The following TFG variants were observed in gnomAD, a reference collection of about 807,000 sequenced individuals.
TFG encodes trafficking from ER to golgi regulator, also known as protein TFG.
TFG carries 22 observed loss-of-function variants against 51.4 expected under a neutral mutation model. The observed-to-expected ratio is 0.43, with a 90% CI of 0.31 to 0.61. TFG has a LOEUF of 0.61. Among genes scored for constraint, TFG ranks in the 20% least tolerant of loss-of-function variants. The probability of loss-of-function intolerance (pLI) is 0.12; values close to 1 mark genes in which losing one functional copy is unlikely to be tolerated. For missense variants in TFG, 419 were observed against 487.7 expected (o/e 0.86, Z 1.33); for synonymous variants, 187 against 165.6 (o/e 1.13, Z -0.99).
At chr3:100,738,085 C>A (rs1249670811) in intron 6 of TFG, among the ~76,000 whole-genome samples, 2 of 149,214 alleles carry the variant, frequency 1.3e-5, no homozygotes, top group Admixed American at 6.7e-5. Context: ...CAAACAAAGC[C>A]AAAAAAAAAA....
At chr3:100,728,298 A>C (rs1281619196) in intron 3 of TFG, among the ~76,000 whole-genome samples, 1 of 151,828 alleles carries the variant, frequency 6.6e-6, no homozygotes, top group Non-Finnish European at 1.5e-5. Flanking sequence ...AATAGCGTGA[A>C]ATAAAATGAG....
At chr3:100,724,499 T>C (rs1352732379) in intron 3 of TFG, among the ~76,000 whole-genome samples, 1 of 152,154 alleles carries the variant, frequency 6.6e-6, no homozygotes, top group African/African-American at 2.4e-5. Flanking sequence ...CAATTAACAT[T>C]AAAGAAATTG....
chr3:100,734,458 A>G lies in TFG; in HGVS notation c.580+1786A>G, dbSNP rs576220463. On this transcript the variant is annotated intron_variant, in intron 5 of 7. Transcript: ENST00000240851. ...TCCGGGATTTTCCTCCTAAATCTTC[A>G]GCTGCTTGTCTAGCCATAAGGTTGT... 3.3e-5 allele frequency among the ~76,000 whole-genome samples: 5 copies of G among 152,244 alleles called. No homozygotes were observed. The East Asian group carries it at 9.7e-4, about 29-fold the overall frequency.
intron 4 of TFG, 65 bp downstream of exon 4, chr3:100,728,923 CTCTT>C (rs2095083615): frequency 1.4e-6 from 2 of 1,397,916 alleles, no homozygotes; most frequent in East Asian, 5.2e-5. Flanking sequence ...TTTTAAAAAA[CTCTT>C]TTTAAGTAGG....
At chr3:100,747,185 T>TG (rs1480292582) in intron 7 of TFG, among the ~76,000 whole-genome samples, 1 of 152,166 alleles carries the variant, frequency 6.6e-6, no homozygotes, top group Non-Finnish European at 1.5e-5. Context: ...GAGGTGGTGG[T>TG]GGTAACATTG....
chr3:100,724,920 G>A (rs115001931), intron 3 of TFG, among the ~76,000 whole-genome samples: 24 of 152,096 alleles, frequency 1.6e-4, no homozygotes, highest in Non-Finnish European at 3.4e-4. Context: ...ATTCTTTTTT[G>A]TGAGGCAGAG....
At chr3:100,746,950 C>G (rs980921720) in intron 7 of TFG, among the ~76,000 whole-genome samples, 1 of 152,116 alleles carries the variant, frequency 6.6e-6, no homozygotes, top group African/African-American at 2.4e-5. Flanking sequence ...GAGTTGGTTT[C>G]AGGTCAGTAT....
In TFG at chr3:100,739,969, G is replaced by A. The variant is rs1000440475; in HGVS notation, c.721+3253G>A. 4.0e-4 allele frequency among the ~76,000 whole-genome samples: 61 copies of A among 152,070 alleles called. 1 individual carries two copies. The highest frequency in any genetic ancestry group is 4.0e-3 in the Admixed American group (61 of 15,246). On this transcript the variant is annotated intron_variant, in intron 6 of 7. Coordinates refer to ENST00000240851, the MANE Select transcript of TFG (RefSeq NM_006070.6). ...CAACAGTGATTCTTAATGTCAACGTGTGCTAGTCTGTGTTTGAATTTCCCT... is the reference window on the plus strand; with the variant it reads ...CAACAGTGATTCTTAATGTCAACGTATGCTAGTCTGTGTTTGAATTTCCCT...
intron 2 of TFG, among the ~76,000 whole-genome samples, chr3:100,716,205 C>T (rs1042639244): frequency 1.3e-5 from 2 of 152,118 alleles, no homozygotes; most frequent in Admixed American, 6.6e-5. Flanking sequence ...AAATCTCTCC[C>T]TATCCCTCTT....
chr3:100,727,134 T>C (rs1175579722), intron 3 of TFG, among the ~76,000 whole-genome samples: 1 of 152,212 alleles, frequency 6.6e-6, no homozygotes, highest in African/African-American at 2.4e-5. Context: ...ATGTTGGTGT[T>C]CTTTGAAATA....
At chr3:100,732,713 C>T (rs754241191) in intron 5 of TFG, 41 bp downstream of exon 5, 4 of 1,482,336 alleles carry the variant, frequency 2.7e-6, no homozygotes, top group Non-Finnish European at 3.7e-6. Flanking sequence ...TCGTTTCCTT[C>T]ATCTTTCCGT....
intron 7 of TFG, among the ~76,000 whole-genome samples, chr3:100,746,967 G>A: frequency 6.6e-6 from 1 of 152,118 alleles, no homozygotes; most frequent in African/African-American, 2.4e-5. Flanking sequence ...GTATTTAGAT[G>A]CTACCATGAG....
rs762265045 is a variant in TFG at position 100,720,093 on chromosome 3, TATTC to T, written c.268+39_268+42del. 24 of 1,281,300 alleles carry T rather than the reference TATTC, an allele frequency of 1.9e-5. No homozygotes were observed. The African/African-American group carries it at 3.7e-4, about 20-fold the overall frequency. 79.4% of individuals were successfully genotyped at this position (1,281,300 alleles called of 1,614,324 possible). A position where few individuals can be genotyped will look rare whatever the true frequency, so the allele number is the denominator to read the frequency against. ...AAACTTTCTAATGAATTTACTATTT[TATTC>T]ATTGTATTTTAAAGATGTTTGGCTT... On this transcript the variant is annotated intron_variant, in intron 3 of 7. Transcript: ENST00000240851.
At chr3:100,748,008 A>T in intron 7 of TFG, 141 bp from the exon 8 acceptor site, 1 of 756,688 alleles carries the variant, frequency 1.3e-6, no homozygotes, top group Non-Finnish European at 2.1e-6. Context: ...ATATTATGTG[A>T]TGGAATCTAC....
At chr3:100,743,945 A>G (rs2095128390) in intron 6 of TFG, 1 of 152,188 alleles carries the variant, frequency 6.6e-6, no homozygotes, top group Admixed American at 6.5e-5. Context: ...TTAAAATGCA[A>G]GGTTATTGCT....
At chr3:100,744,084 T>C (rs2095128681) in intron 6 of TFG, 1 of 151,778 alleles carries the variant, frequency 6.6e-6, no homozygotes. Context: ...GACAGAAAAA[T>C]AAAAAGTAAA....
chr3:100,743,221 G>A (rs905305726), intron 6 of TFG: 9 of 151,926 alleles, frequency 5.9e-5, no homozygotes, highest in Non-Finnish European at 1.2e-4. Flanking sequence ...ATACTAATAT[G>A]GTTGAATTTT....
chr3:100,731,767 C>T (rs141932112), intron 4 of TFG, among the ~76,000 whole-genome samples: 4 of 152,054 alleles, frequency 2.6e-5, no homozygotes, highest in East Asian at 1.9e-4. Flanking sequence ...AGGCTGGTCT[C>T]GAGCTCCTGA....
At chr3:100,745,317 T>G (rs1400050456) in intron 7 of TFG, among the ~76,000 whole-genome samples, 2 of 152,288 alleles carry the variant, frequency 1.3e-5, no homozygotes, top group Non-Finnish European at 2.9e-5. Flanking sequence ...TGTAGAAATA[T>G]GAACAGTTTA....
Sources: allele counts gnomAD v4.1 joint callset (sites outside exome capture counted in the v4.1 genomes callset), GRCh38; gene constraint gnomAD v4.1.1; transcripts MANE v1.5; gene names NCBI Gene and HGNC (gene_info 2026-07-23, HGNC 2026-07-21).